The following ABCC9 variants were observed in gnomAD, a reference collection of about 807,000 sequenced individuals.
The protein encoded by ABCC9 is ATP-binding cassette sub-family C member 9.
A neutral mutation model predicts 188.3 loss-of-function variants in ABCC9; 95 were observed. The ratio of observed to expected loss-of-function variants is 0.50; its 90% CI spans 0.43 to 0.60. The LOEUF (loss-of-function observed/expected upper bound fraction) is 0.60. ABCC9 is among the 20% of genes least tolerant of loss of function. ABCC9 has a pLI of 0.00. For synonymous variants in ABCC9, 659 were observed against 652.7 expected (o/e 1.01, Z -0.15); for missense variants, 1,102 against 1,876.3 (o/e 0.59, Z 7.62).
At chr12:21,915,435 T>C (rs1454767606) in intron 7 of ABCC9, among the ~76,000 whole-genome samples, 1 of 122,834 alleles carries the variant, frequency 8.1e-6, no homozygotes, top group Non-Finnish European at 1.7e-5. Flanking sequence ...TGTGTGTATA[T>C]ATGTGTATAT....
intron 24 of ABCC9, 64 bp from the exon 25 acceptor site, chr12:21,848,310 A>G (rs1944788455): frequency 2.2e-6 from 3 of 1,387,346 alleles, no homozygotes; most frequent in Admixed American, 3.4e-5. Flanking sequence ...TTATCAATGA[A>G]TGACTCACAC....
chr12:21,902,249 C>T (rs10841908), intron 12 of ABCC9, among the ~76,000 whole-genome samples: 90,303 of 151,690 alleles, frequency 0.6, 27,074 homozygotes, highest in East Asian at 0.8. Flanking sequence ...TTGAAACCAA[C>T]GAGAACAAAG....
intron 12 of ABCC9, among the ~76,000 whole-genome samples, chr12:21,905,485 A>G (rs1488614015): frequency 1.3e-5 from 2 of 152,104 alleles, no homozygotes; most frequent in African/African-American, 4.8e-5. Flanking sequence ...ATATTTTGTA[A>G]ATGGAAACAC....
chr12:21,824,949 T>C (rs1943279140), intron 31 of ABCC9, among the ~76,000 whole-genome samples: 1 of 152,072 alleles, frequency 6.6e-6, no homozygotes, highest in African/African-American at 2.4e-5. Flanking sequence ...TCTTTTTTGT[T>C]GATCTATTTT....
intron 31 of ABCC9, among the ~76,000 whole-genome samples, chr12:21,819,459 A>G (rs1213601156): frequency 6.6e-6 from 1 of 152,314 alleles, no homozygotes; most frequent in East Asian, 1.9e-4. Flanking sequence ...AGCTCGAAAG[A>G]TCAAACTGTT....
chr12:21,932,233 T>C (rs1029680667), intron 4 of ABCC9, among the ~76,000 whole-genome samples: 1 of 152,090 alleles, frequency 6.6e-6, no homozygotes, highest in African/African-American at 2.4e-5. Flanking sequence ...ATTCATTATA[T>C]TTTAACTGTC....
In ABCC9 at chr12:21,800,268, T is replaced by C. The variant is rs148416760; in HGVS notation, c.*776A>G. ...ATAACCACAGCTAATCATTAAACTA[T>C]AGAAAGTTTAGCTGGCCTGCCACTG... On this transcript the variant is annotated 3_prime_UTR_variant, in exon 40 of 40. Coordinates refer to ENST00000261200, the MANE Select transcript of ABCC9 (RefSeq NM_020297.4). 1,190 of 152,298 alleles carry C rather than the reference T, an allele frequency of 7.8e-3. 6 individuals are homozygous for C. The highest frequency in any genetic ancestry group is 0.017 in the Middle Eastern group (5 of 294). The allele number at this position is 152,298 out of a possible 1,614,324, so 9.4% of individuals were successfully genotyped here.
chr12:21,936,439 G>A (rs1239357592), intron 3 of ABCC9, 94 bp downstream of exon 3: 33 of 1,116,340 alleles, frequency 3.0e-5, no homozygotes, highest in Non-Finnish European at 2.6e-6. Context: ...CAGCTTCCAT[G>A]TTACAGAAAT....
At chr12:21,848,676 G>A (rs1944812358) in intron 24 of ABCC9, among the ~76,000 whole-genome samples, 1 of 152,152 alleles carries the variant, frequency 6.6e-6, no homozygotes, top group Non-Finnish European at 1.5e-5. Flanking sequence ...ACTGATGTCA[G>A]TCATCCACTA....
At chr12:21,935,970 C>T (rs1440992069) in intron 3 of ABCC9, among the ~76,000 whole-genome samples, 1 of 152,064 alleles carries the variant, frequency 6.6e-6, no homozygotes, top group Non-Finnish European at 1.5e-5. Context: ...TGTGAATGTC[C>T]TCTTTCTACA....
rs754476885 is a variant in ABCC9, at chr12:21,936,599, C to T, written c.76G>A (p.Val26Met). The change falls in exon 3 of 40, where the codon GTG becomes ATG. Residue 26 changes from valine (V) to methionine (M), a missense_variant. Physicochemically the swap from Val to Met is conservative, Grantham distance 21. Around this residue, in one of 12 missense-constraint regions of ABCC9, gnomAD observed 305 missense variants for 573.0 expected, o/e 0.53. Coordinates refer to ENST00000261200, the MANE Select transcript of ABCC9 (RefSeq NM_020297.4). ...NDGVLQNSCF[V>M]DALNLVPHVF... Reference sequence around the variant, plus strand: ...TGAGGGACCAGGTTGAGGGCATCCACAAAGCAGGAATTTTGTAGTACACCA... The same window carrying T: ...TGAGGGACCAGGTTGAGGGCATCCATAAAGCAGGAATTTTGTAGTACACCA... 1 of 1,612,844 alleles carries T rather than the reference C, an allele frequency of 6.2e-7. No homozygotes were observed. The highest frequency in any genetic ancestry group is 2.2e-5 in the East Asian group (1 of 44,854).
chr12:21,920,913 T>C (rs1948791192), intron 5 of ABCC9, among the ~76,000 whole-genome samples: 2 of 152,136 alleles, frequency 1.3e-5, no homozygotes, highest in Non-Finnish European at 2.9e-5. Context: ...TCTTATTTTA[T>C]GGCTAAATAG....
intron 30 of ABCC9, among the ~76,000 whole-genome samples, chr12:21,829,927 AACTGGGG>A (rs1943660174): frequency 6.6e-6 from 1 of 152,150 alleles, no homozygotes; most frequent in South Asian, 2.1e-4. Context: ...AAAGGAAAAA[AACTGGGG>A]TGGCAACAAG....
chr12:21,887,865 A>C lies in ABCC9; in HGVS notation c.1872T>G (p.Ser624Arg). 1 of 1,613,564 alleles carries C rather than the reference A, an allele frequency of 6.2e-7. No individual in the cohort carries two copies. Among genetic ancestry groups the C allele is most frequent in the Non-Finnish European group, 8.5e-7 (1 of 1,179,584 alleles). ...IGDDSWRTGE[S>R]SLPFESCKKH... is the part of the protein sequence containing the mutation. ...TCTTACAGGACTCAAAAGGAAGCGA[A>C]CTTTCACCAGTTCGCCAACTGTCGT... The change falls in exon 15 of 40, where the codon AGT (serine) becomes AGG (arginine). Residue 624 changes from serine to arginine, a missense_variant. Ser to Arg is a moderately radical substitution (Grantham distance 110). Coordinates refer to ENST00000261200, the MANE Select transcript of ABCC9 (RefSeq NM_020297.4).
In ABCC9 at chr12:21,806,061, C is replaced by T. The variant is rs1941815245; in HGVS notation, c.4450-1G>A. ...TTACTACTTTTTGCAAAATATTCTC[C>T]TGCAAAAAAAAAAAAGTGTAAATTT... On this transcript the variant is annotated splice_acceptor_variant, in intron 38 of 39. Transcript: ENST00000261200. LOFTEE classifies it high-confidence loss of function. The T allele has an allele frequency of 1.2e-6, 2 of 1,610,390 alleles. No individual in the cohort carries two copies. Among genetic ancestry groups the T allele is most frequent in the Admixed American group, 1.7e-5 (1 of 59,710 alleles).
intron 31 of ABCC9, among the ~76,000 whole-genome samples, chr12:21,820,383 A>T (rs1232802558): frequency 6.6e-6 from 1 of 152,058 alleles, no homozygotes; most frequent in Non-Finnish European, 1.5e-5. Flanking sequence ...ATCCATTCAT[A>T]CATTCTTTAA....
intron 18 of ABCC9, among the ~76,000 whole-genome samples, chr12:21,868,711 G>T (rs1945910462): frequency 6.6e-6 from 1 of 152,138 alleles, no homozygotes; most frequent in African/African-American, 2.4e-5. Flanking sequence ...AAAGTATTTG[G>T]TGTCTTACCA....
chr12:21,851,726 G>A (rs1416901339), intron 24 of ABCC9, among the ~76,000 whole-genome samples: 1 of 152,062 alleles, frequency 6.6e-6, no homozygotes, highest in Non-Finnish European at 1.5e-5. Context: ...TAGGTGGTTA[G>A]TGAAAATATT....
chr12:21,802,762 A>T (rs1941545167), intron 39 of ABCC9, among the ~76,000 whole-genome samples: 2 of 152,128 alleles, frequency 1.3e-5, no homozygotes, highest in African/African-American at 2.4e-5. Flanking sequence ...TAGCTGATAC[A>T]CAGTCTTCCA....
Sources: gnomAD v4.1 joint callset for allele counts (sites outside exome capture counted in the v4.1 genomes callset) on GRCh38, gnomAD v4.1.1 for gene constraint, gnomAD v4.1.1 regional missense constraint, MANE v1.5 for transcripts, NCBI Gene and HGNC (gene_info 2026-07-23, HGNC 2026-07-21) for gene names.